ZNF177: variants seen among roughly 807,000 people sequenced by gnomAD.
The protein encoded by ZNF177 is zinc finger protein 177.
Under a neutral mutation model 19.4 loss-of-function variants are expected in ZNF177, and 17 were observed. That is an observed-to-expected ratio of 0.87 (90% confidence interval 0.60 to 1.31). ZNF177 has a LOEUF of 1.31. Ranked by LOEUF, ZNF177 falls within the 40% of genes most tolerant of loss-of-function variation. ZNF177 has a pLI of 0.00. For missense variants in ZNF177, 633 were observed against 561.8 expected, an observed-to-expected ratio of 1.13 and a Z score of -1.28; for synonymous variants, 220 against 188.7, an observed-to-expected ratio of 1.17 and a Z score of -1.36.
chr19:9,365,311 A>G (rs111673628), intron 2 of ZNF177, among the ~76,000 whole-genome samples: 2,523 of 152,040 alleles, frequency 0.017, 68 homozygotes, highest in African/African-American at 0.057. Flanking sequence ...TGAAGGAGGC[A>G]AGCCCAGAAA....
chr19:9,380,445 A>C, intron 5 of ZNF177: 4 of 857,944 alleles, frequency 4.7e-6, no homozygotes, highest in Non-Finnish European at 6.9e-6. Context: ...TGTATTAAAG[A>C]AGCCCTTTGC....
exon 4 of ZNF177, chr19:9,379,541 A>G: frequency 6.2e-7 from 1 of 1,613,834 alleles, no homozygotes; most frequent in Non-Finnish European, 8.5e-7. Context: ...TCAGCTCTGC[A>G]GACACAGTCT....
At chr19:9,379,984 A>G (rs1338384981) in intron 4 of ZNF177, 73 bp from the exon 7 acceptor site, 6 of 1,525,200 alleles carry the variant, frequency 3.9e-6, no homozygotes, top group Admixed American at 2.2e-5. Flanking sequence ...ACAAATCCAT[A>G]GGGTCTCCCT....
At chr19:9,377,958 G>C (rs2068135408) in intron 1 of ZNF177, among the ~76,000 whole-genome samples, 1 of 152,064 alleles carries the variant, frequency 6.6e-6, no homozygotes, top group South Asian at 2.1e-4. Flanking sequence ...GTGAGTCCTG[G>C]TTTCTGTCAC....
upstream of ZNF177, among the ~76,000 whole-genome samples, chr19:9,374,221 G>T (rs2068082201): frequency 6.6e-6 from 1 of 152,030 alleles, no homozygotes; most frequent in African/African-American, 2.4e-5. Context: ...ACATGCCAGG[G>T]TTTATTTCTG....
chr19:9,369,277 C>T (rs2068018411), intron 2 of ZNF177, among the ~76,000 whole-genome samples: 1 of 151,962 alleles, frequency 6.6e-6, no homozygotes, highest in Non-Finnish European at 1.5e-5. Context: ...TGTTATTTAT[C>T]CTTTAATTGT....
chr19:9,379,792 T>A, intron 4 of ZNF177, 173 bp downstream of exon 6: 1 of 870,040 alleles, frequency 1.1e-6, no homozygotes, highest in South Asian at 1.9e-5. Context: ...AAGTTTTAAT[T>A]CCTCTTTAAA....
chr19:9,381,994 A>T (rs879827675), exon 6 of ZNF177: 18 of 652,572 alleles, frequency 2.8e-5, no homozygotes, highest in Non-Finnish European at 3.6e-5. Context: ...GATCCTATGA[A>T]TATTTTAGTT....
intron 1 of ZNF177, among the ~76,000 whole-genome samples, chr19:9,364,018 A>G (rs1045928750): frequency 3.3e-5 from 5 of 152,208 alleles, no homozygotes; most frequent in Non-Finnish European, 7.3e-5. Context: ...CATATATTTC[A>G]TCTCATTTAA....
At chr19:9,375,630 G>T (rs1266385113), upstream of ZNF177, among the ~76,000 whole-genome samples, 1 of 151,870 alleles carries the variant, frequency 6.6e-6, no homozygotes, top group Non-Finnish European at 1.5e-5. Flanking sequence ...TTTTCATTAT[G>T]GTCTCATGAT....
intron 2 of ZNF177, among the ~76,000 whole-genome samples, chr19:9,367,171 A>G (rs1392192809): frequency 2.0e-5 from 3 of 152,002 alleles, no homozygotes; most frequent in Non-Finnish European, 2.9e-5. Context: ...ATACAAAAAC[A>G]TAGCTGGGTG....
At chr19:9,379,711 C>T in intron 4 of ZNF177, 92 bp downstream of exon 6, 2 of 1,417,780 alleles carry the variant, frequency 1.4e-6, no homozygotes, top group Non-Finnish European at 1.9e-6. Context: ...AATCTGAGGC[C>T]ATGACATGAG....
chr19:9,372,497 C>CT (rs1219768082), upstream of ZNF177, among the ~76,000 whole-genome samples: 1 of 149,096 alleles, frequency 6.7e-6, no homozygotes, highest in East Asian at 2.0e-4. Context: ...CTTATTACAT[C>CT]TGTTCTCTCC....
At chr19:9,363,584 T>C (rs1568379084) in intron 1 of ZNF177, among the ~76,000 whole-genome samples, 1 of 152,162 alleles carries the variant, frequency 6.6e-6, no homozygotes, top group Non-Finnish European at 1.5e-5. Context: ...ACTTAGGTCT[T>C]CAAGGTTTAT....
chr19:9,378,838 T>C, intron 2 of ZNF177, 124 bp from the exon 5 acceptor site: 1 of 1,393,436 alleles, frequency 7.2e-7, no homozygotes, highest in East Asian at 2.4e-5. Context: ...AGGCCTCTGA[T>C]GCATGTCTGA....
intron 2 of ZNF177, among the ~76,000 whole-genome samples, chr19:9,369,986 T>G (rs2068027520): frequency 6.6e-6 from 1 of 152,196 alleles, no homozygotes; most frequent in African/African-American, 2.4e-5. Context: ...TTTTATCCAT[T>G]TTACCTTTGT....
At chr19:9,364,325 G>A (rs2067947522) in intron 1 of ZNF177, among the ~76,000 whole-genome samples, 1 of 152,120 alleles carries the variant, frequency 6.6e-6, no homozygotes, top group Admixed American at 6.5e-5. Flanking sequence ...AGTCAACTTG[G>A]GCCTGGAGGA....
chr19:9,371,330 C>G (rs1397536325), intron 2 of ZNF177, among the ~76,000 whole-genome samples: 1 of 151,840 alleles, frequency 6.6e-6, no homozygotes, highest in African/African-American at 2.4e-5. Context: ...TCTCTTCCTC[C>G]TCCCTTTTCA....
At chr19:9,374,293 A>G (rs887866478), upstream of ZNF177, among the ~76,000 whole-genome samples, 15 of 152,286 alleles carry the variant, frequency 9.8e-5, no homozygotes, top group South Asian at 3.1e-3. Flanking sequence ...TTTTCATTAC[A>G]GTACCTTTGT....
Sources: gnomAD v4.1 joint callset for allele counts (sites outside exome capture counted in the v4.1 genomes callset) on GRCh38, gnomAD v4.1.1 for gene constraint, MANE v1.5 for transcripts, NCBI Gene and HGNC (gene_info 2026-07-23, HGNC 2026-07-21) for gene names.